The following CREBBP variants were observed in gnomAD, a reference collection of about 807,000 sequenced individuals.
CREBBP encodes the protein CREB binding lysine acetyltransferase.
A neutral mutation model predicts 265.0 loss-of-function variants in CREBBP; 19 were observed. The ratio of observed to expected loss-of-function variants is 0.07; its 90% CI spans 0.05 to 0.11. The LOEUF is 0.11. CREBBP is among the 10% of genes least tolerant of loss of function. The probability of loss-of-function intolerance (pLI) is 1.00; values close to 1 mark genes in which losing one functional copy is unlikely to be tolerated. For synonymous variants in CREBBP, 1,457 were observed against 1,223.7 expected (o/e 1.19, Z -3.98); for missense variants, 2,525 against 3,219.0 (o/e 0.78, Z 5.22).
chr16:3,770,577 C>T lies in CREBBP; in HGVS notation c.2873G>A (p.Gly958Asp), dbSNP rs1356131652. The change falls in exon 14 of 31, where the codon GGC becomes GAC. Residue 958 changes from glycine to aspartate, a missense_variant. Around this residue, in one of 19 missense-constraint regions of CREBBP, gnomAD observed 548 missense variants for 533.0 expected, o/e 1.03. Transcript: ENST00000262367. Reference protein sequence around the residue: ...QPTPVHAQPPGTPLSQAAASI... With the variant: ...QPTPVHAQPPDTPLSQAAASI... ...AGAGACAGAGAGGCTTACCGGTGTG[C>T]CAGGAGGCTGGGCGTGCACAGGCGT... 6.2e-7 allele frequency: 1 copy of T among 1,613,056 alleles called. No homozygotes were observed. Among genetic ancestry groups the T allele is most frequent in the South Asian group, 1.1e-5 (1 of 91,048 alleles).
intron 14 of CREBBP, among the ~76,000 whole-genome samples, chr16:3,770,149 C>T (rs865920118): frequency 6.6e-6 from 1 of 152,086 alleles, no homozygotes; most frequent in African/African-American, 2.4e-5. Context: ...GGATTACAGG[C>T]GTGAACCACC....
chr16:3,749,508 G>GA (rs1455501142), intron 21 of CREBBP, 119 bp downstream of exon 21: 1 of 697,256 alleles, frequency 1.4e-6, no homozygotes, highest in Non-Finnish European at 2.5e-6. Flanking sequence ...CCTCACACCA[G>GA]AAATTCCACT....
intron 1 of CREBBP, among the ~76,000 whole-genome samples, chr16:3,865,839 T>C (rs1185187027): frequency 1.3e-5 from 2 of 152,140 alleles, no homozygotes; most frequent in South Asian, 2.1e-4. Context: ...GGTTTCACCA[T>C]GTTGGCCAGG....
chr16:3,787,442 C>T (rs1428699630), intron 5 of CREBBP, among the ~76,000 whole-genome samples: 2 of 152,132 alleles, frequency 1.3e-5, no homozygotes, highest in Non-Finnish European at 1.5e-5. Context: ...ATTCTCTCTA[C>T]AGCCTTCAGA....
At chr16:3,828,397 T>C (rs1377325308) in intron 2 of CREBBP, among the ~76,000 whole-genome samples, 1 of 152,260 alleles carries the variant, frequency 6.6e-6, no homozygotes, top group African/African-American at 2.4e-5. Context: ...CGTCGAAAGC[T>C]GACTTCTTTA....
chr16:3,790,940 G>C (rs1033477205), intron 5 of CREBBP, among the ~76,000 whole-genome samples: 1 of 152,174 alleles, frequency 6.6e-6, no homozygotes, highest in Non-Finnish European at 1.5e-5. Context: ...AGAAAGAAAA[G>C]CAGCACATGT....
At chr16:3,861,945 G>C (rs1389599578) in intron 1 of CREBBP, among the ~76,000 whole-genome samples, 21 of 152,112 alleles carry the variant, frequency 1.4e-4, no homozygotes, top group Admixed American at 1.4e-3. Context: ...CAGAATCACT[G>C]ATCTGCTGAA....
chr16:3,853,829 C>G (rs779988768), intron 1 of CREBBP, among the ~76,000 whole-genome samples: 3 of 151,786 alleles, frequency 2.0e-5, no homozygotes, highest in Non-Finnish European at 4.4e-5. Flanking sequence ...TGCAGCTACT[C>G]GAGAGGCTGA....
At chr16:3,739,926 T>C (rs937146095) in intron 24 of CREBBP, among the ~76,000 whole-genome samples, 1 of 152,142 alleles carries the variant, frequency 6.6e-6, no homozygotes, top group Non-Finnish European at 1.5e-5. Context: ...TTTCCCTCAC[T>C]AGGGAACTGC....
At chr16:3,830,337 G>C (rs571373889) in intron 2 of CREBBP, among the ~76,000 whole-genome samples, 261 of 152,274 alleles carry the variant, frequency 1.7e-3, no homozygotes, top group African/African-American at 5.9e-3. Context: ...GGGGGGCAGA[G>C]GTTGCAGGGA....
intron 1 of CREBBP, among the ~76,000 whole-genome samples, chr16:3,861,893 T>A (rs2055083083): frequency 6.6e-6 from 1 of 152,102 alleles, no homozygotes; most frequent in Non-Finnish European, 1.5e-5. Flanking sequence ...TTGTACTTCA[T>A]TCTGAACAGT....
intron 28 of CREBBP, among the ~76,000 whole-genome samples, chr16:3,732,688 C>T (rs1292693519): frequency 6.6e-5 from 10 of 152,074 alleles, no homozygotes; most frequent in Admixed American, 6.6e-4. Context: ...AGGCACCCGC[C>T]ACCATGCCCG....
intron 2 of CREBBP, among the ~76,000 whole-genome samples, chr16:3,817,669 A>C (rs2054064534): frequency 6.6e-6 from 1 of 152,240 alleles, no homozygotes; most frequent in Non-Finnish European, 1.5e-5. Flanking sequence ...TCAAAATAGA[A>C]GTATTTCCCC....
At chr16:3,744,828 T>C (rs1420316377) in intron 23 of CREBBP, 66 bp downstream of exon 23, 12 of 1,243,822 alleles carry the variant, frequency 9.6e-6, no homozygotes, top group Middle Eastern at 1.9e-4. Context: ...CAAAGAACAA[T>C]GGGGACAATT....
intron 16 of CREBBP, among the ~76,000 whole-genome samples, chr16:3,762,097 G>A (rs2052732818): frequency 6.6e-6 from 1 of 152,168 alleles, no homozygotes; most frequent in Non-Finnish European, 1.5e-5. Context: ...TTGGCACATA[G>A]CTGTGCTCAT....
chr16:3,876,583 C>T (rs150269492), intron 1 of CREBBP, among the ~76,000 whole-genome samples: 9 of 151,934 alleles, frequency 5.9e-5, no homozygotes, highest in East Asian at 5.8e-4. Context: ...AACTATATAC[C>T]GGTAATATAA....
intron 2 of CREBBP, among the ~76,000 whole-genome samples, chr16:3,822,908 G>C (rs2054167641): frequency 6.6e-6 from 1 of 152,174 alleles, no homozygotes; most frequent in Non-Finnish European, 1.5e-5. Flanking sequence ...TCTGTGCCTT[G>C]TTTCGAGAGA....
intron 16 of CREBBP, among the ~76,000 whole-genome samples, chr16:3,763,653 G>C (rs2052775733): frequency 6.6e-6 from 1 of 151,102 alleles, no homozygotes; most frequent in African/African-American, 2.4e-5. Flanking sequence ...TAGTAGAGAC[G>C]GGGTTTCGCC....
chr16:3,831,998 G>A (rs2054352590), intron 2 of CREBBP, among the ~76,000 whole-genome samples: 1 of 149,874 alleles, frequency 6.7e-6, no homozygotes. Context: ...CTCTGACTCA[G>A]TTAAAAAAAA....
Sources: allele counts gnomAD v4.1 joint callset (sites outside exome capture counted in the v4.1 genomes callset), GRCh38; gene constraint gnomAD v4.1.1; regional missense constraint gnomAD v4.1.1; transcripts MANE v1.5; gene names NCBI Gene and HGNC (gene_info 2026-07-23, HGNC 2026-07-21).